Variants in SOS1 observed in about 807,000 individuals in gnomAD.
The protein encoded by SOS1 is SOS Ras/Rac guanine nucleotide exchange factor 1.
A neutral mutation model predicts 157.6 loss-of-function variants in SOS1; 25 were observed. The ratio of observed to expected loss-of-function variants is 0.16; its 90% CI spans 0.12 to 0.22. SOS1 has a LOEUF of 0.22. Ranked by LOEUF, SOS1 falls within the 10% of genes least tolerant of loss-of-function variation. The pLI is 1.00. For synonymous variants in SOS1, 528 were observed against 534.0 expected (o/e 0.99, Z 0.16); for missense variants, 1,237 against 1,599.1 (o/e 0.77, Z 3.86).
chr2:39,056,966 T>C, intron 3 of SOS1, 100 bp from the exon 4 acceptor site: 5 of 852,184 alleles, frequency 5.9e-6, no homozygotes, highest in Non-Finnish European at 9.8e-6. Context: ...CTTACACTTT[T>C]TTTCCTGAGG....
At chr2:39,091,017 C>T (rs1446440498) in intron 1 of SOS1, among the ~76,000 whole-genome samples, 1 of 152,076 alleles carries the variant, frequency 6.6e-6, no homozygotes, top group Non-Finnish European at 1.5e-5. Context: ...TACCGGTGCA[C>T]GCCACCACAC....
intron 1 of SOS1, among the ~76,000 whole-genome samples, chr2:39,116,805 C>T (rs911385678): frequency 3.9e-5 from 6 of 152,106 alleles, no homozygotes; most frequent in Admixed American, 6.5e-5. Flanking sequence ...GAGCCAAGAT[C>T]GCACCACTGC....
chr2:39,097,994 C>A (rs981288507), intron 1 of SOS1, among the ~76,000 whole-genome samples: 1 of 152,094 alleles, frequency 6.6e-6, no homozygotes, highest in African/African-American at 2.4e-5. Flanking sequence ...TATATCAATA[C>A]AGCAAAACTA....
chr2:39,002,147 G>A (rs1669123860), intron 17 of SOS1, among the ~76,000 whole-genome samples: 1 of 152,048 alleles, frequency 6.6e-6, no homozygotes, highest in Non-Finnish European at 1.5e-5. Flanking sequence ...CCAACATGGT[G>A]AAACCTTGTC....
In SOS1 at chr2:39,035,511, AAAG is replaced by A. The variant is rs1670312136; in HGVS notation, c.865-14_865-12del. On this transcript the variant is annotated splice_polypyrimidine_tract_variant and intron_variant, in intron 6 of 22. Coordinates refer to ENST00000402219, the MANE Select transcript of SOS1 (RefSeq NM_005633.4). ...ATCAAATGCCAGTTCCTTAGAAAAT[AAAG>A]AAGGTAAAACATAAATAATTTACCA... 8 of 1,551,038 alleles carry A rather than the reference AAAG, an allele frequency of 5.2e-6. No homozygotes were observed. The highest frequency in any genetic ancestry group is 7.1e-6 in the Non-Finnish European group (8 of 1,122,776).
At chr2:39,008,177 T>C (rs1228485509) in intron 15 of SOS1, among the ~76,000 whole-genome samples, 16 of 152,162 alleles carry the variant, frequency 1.1e-4, no homozygotes, top group East Asian at 1.9e-4. Flanking sequence ...CTTCCACTTA[T>C]GGAATGGAGA....
chr2:39,049,572 A>C (rs1670924309), intron 6 of SOS1, among the ~76,000 whole-genome samples: 1 of 152,102 alleles, frequency 6.6e-6, no homozygotes, highest in African/African-American at 2.4e-5. Flanking sequence ...TTCATGTTGT[A>C]ATTGTTGATT....
chr2:39,119,000 T>C (rs540426255), intron 1 of SOS1, among the ~76,000 whole-genome samples: 5 of 152,302 alleles, frequency 3.3e-5, no homozygotes, highest in African/African-American at 1.2e-4. Flanking sequence ...GCTTTATGAG[T>C]TCCTTTACAC....
chr2:39,029,893 T>C (rs1670096588), intron 8 of SOS1, among the ~76,000 whole-genome samples: 1 of 151,948 alleles, frequency 6.6e-6, no homozygotes, highest in African/African-American at 2.4e-5. Context: ...TCCACCAGAC[T>C]CGGTGGCTTA....
At chr2:39,035,596 T>C in intron 6 of SOS1, 96 bp from the exon 7 acceptor site, 1 of 875,960 alleles carries the variant, frequency 1.1e-6, no homozygotes, top group South Asian at 1.5e-5. Flanking sequence ...CAATTATGTA[T>C]GTCTTTGAAA....
At chr2:39,032,174 A>G (rs1433847376) in intron 8 of SOS1, among the ~76,000 whole-genome samples, 1 of 152,178 alleles carries the variant, frequency 6.6e-6, no homozygotes, top group Non-Finnish European at 1.5e-5. Context: ...AGCAGTTTTC[A>G]AATATGCAAT....
At chr2:39,036,639 T>C (rs544887147) in intron 6 of SOS1, among the ~76,000 whole-genome samples, 6 of 151,492 alleles carry the variant, frequency 4.0e-5, no homozygotes, top group South Asian at 2.1e-4. Context: ...AGTGGCGCGA[T>C]CTCGGCTCAC....
chr2:39,099,872 G>A (rs963771614), intron 1 of SOS1, among the ~76,000 whole-genome samples: 5 of 151,964 alleles, frequency 3.3e-5, no homozygotes, highest in Admixed American at 6.6e-5. Context: ...TGGAGTAGCC[G>A]GGATTACGGG....
intron 8 of SOS1, among the ~76,000 whole-genome samples, chr2:39,034,223 G>A (rs956546179): frequency 6.6e-6 from 1 of 152,172 alleles, no homozygotes; most frequent in African/African-American, 2.4e-5. Context: ...AAATCAAACT[G>A]AATTCCAAAT....
intron 1 of SOS1, among the ~76,000 whole-genome samples, chr2:39,083,168 T>G (rs1384838781): frequency 6.6e-6 from 1 of 152,136 alleles, no homozygotes; most frequent in Non-Finnish European, 1.5e-5. Flanking sequence ...ACTGATTTAG[T>G]TGGGTATGAC....
chr2:39,056,310 A>G (rs1459728112), intron 4 of SOS1, among the ~76,000 whole-genome samples: 1 of 152,036 alleles, frequency 6.6e-6, no homozygotes, highest in Non-Finnish European at 1.5e-5. Context: ...CCAGCTACTC[A>G]GGAGGCTGAG....
chr2:39,100,364 C>T (rs890867564), intron 1 of SOS1, among the ~76,000 whole-genome samples: 2 of 152,116 alleles, frequency 1.3e-5, no homozygotes, highest in African/African-American at 4.8e-5. Flanking sequence ...CTACTGTGTT[C>T]ATTGCAGTAT....
intron 1 of SOS1, among the ~76,000 whole-genome samples, chr2:39,095,858 T>C (rs902155910): frequency 6.6e-6 from 1 of 152,246 alleles, no homozygotes; most frequent in African/African-American, 2.4e-5. Context: ...AGGTATGTGC[T>C]GACCAAAGGC....
At position 39,013,879 on chromosome 2, in the gene SOS1, G is replaced by A. The variant is rs397517155; in HGVS notation, c.2051C>T (p.Pro684Leu). 6 of 1,609,846 alleles carry A rather than the reference G, an allele frequency of 3.7e-6. No individual in the cohort carries two copies. The highest frequency in any genetic ancestry group is 2.2e-5 in the South Asian group (2 of 91,000). Residue 684 changes from proline to leucine, a missense_variant, in exon 12 of 23, where the codon CCT (proline) becomes CTT (leucine). Pro to Leu is a moderately conservative substitution (Grantham distance 98, BLOSUM62 -3). This residue lies in a region of SOS1 where 42 missense variants were observed against 80.4 expected (regional missense o/e 0.52). Coordinates refer to ENST00000402219, the MANE Select transcript of SOS1 (RefSeq NM_005633.4). Reference protein sequence around the residue: ...LKRFRKEYIQPVQLRVLNVCR... With the variant: ...LKRFRKEYIQLVQLRVLNVCR... The stretch of plus-strand genomic sequence containing the variant: ...ATTTAATGCTTACCGCAGTTGCACA[G>A]GCTGTATATATTCTTTTCTAAATCT...
Sources: gnomAD v4.1 joint callset for allele counts (sites outside exome capture counted in the v4.1 genomes callset) on GRCh38, gnomAD v4.1.1 for gene constraint, gnomAD v4.1.1 regional missense constraint, MANE v1.5 for transcripts, NCBI Gene and HGNC (gene_info 2026-07-23, HGNC 2026-07-21) for gene names.